The following RB1CC1 variants were observed in gnomAD, a reference collection of about 807,000 sequenced individuals.
The protein encoded by RB1CC1 is RB1 inducible coiled-coil 1.
In RB1CC1, 46 loss-of-function variants were observed where a neutral mutation model predicts 177.5. The ratio of observed to expected loss-of-function variants is 0.26; its 90% CI spans 0.20 to 0.33. The LOEUF is 0.33. Ranked by LOEUF, RB1CC1 falls within the 10% of genes least tolerant of loss-of-function variation. The pLI is 1.00. For synonymous variants in RB1CC1, 666 were observed against 613.6 expected (o/e 1.09, Z -1.26); for missense variants, 1,703 against 1,816.3 (o/e 0.94, Z 1.13).
intron 1 of RB1CC1, among the ~76,000 whole-genome samples, chr8:52,688,489 A>T (rs561934680): frequency 6.6e-6 from 1 of 152,090 alleles, no homozygotes; most frequent in Non-Finnish European, 1.5e-5. Flanking sequence ...GGTGGTGGGG[A>T]AAAACTCCGC....
intron 22 of RB1CC1, among the ~76,000 whole-genome samples, chr8:52,625,359 G>C (rs1590895840): frequency 6.6e-6 from 1 of 152,110 alleles, no homozygotes; most frequent in East Asian, 1.9e-4. Flanking sequence ...GGCAGTACTT[G>C]TGTGAATGAA....
chr8:52,649,350 A>G (rs1850356629), intron 15 of RB1CC1, among the ~76,000 whole-genome samples: 1 of 152,216 alleles, frequency 6.6e-6, no homozygotes, highest in South Asian at 2.1e-4. Context: ...AGGCATCTCT[A>G]AAGGCTGACA....
intron 8 of RB1CC1, among the ~76,000 whole-genome samples, chr8:52,664,704 A>T (rs1851922226): frequency 6.6e-6 from 1 of 152,192 alleles, no homozygotes; most frequent in Non-Finnish European, 1.5e-5. Flanking sequence ...AGATTTAGAA[A>T]GCAAACAAGA....
chr8:52,640,383 C>CAATGGTGAATGAA (rs1849467181), intron 18 of RB1CC1, among the ~76,000 whole-genome samples: 1 of 152,172 alleles, frequency 6.6e-6, no homozygotes, highest in African/African-American at 2.4e-5. Flanking sequence ...TTTGAATGTT[C>CAATGGTGAATGAA]TCACCATAAA....
At chr8:52,638,841 T>C (rs1849348111) in intron 18 of RB1CC1, among the ~76,000 whole-genome samples, 1 of 152,152 alleles carries the variant, frequency 6.6e-6, no homozygotes, top group South Asian at 2.1e-4. Flanking sequence ...GTCCATCCTT[T>C]TACCAAACTG....
At position 52,656,511 on chromosome 8, in the gene RB1CC1, T is replaced by C; in HGVS notation, c.3318A>G (p.Lys1106=). Residue 1106 remains lysine, a synonymous_variant, in exon 15 of 24, where the codon AAA becomes AAG. Coordinates refer to ENST00000025008, the MANE Select transcript of RB1CC1 (RefSeq NM_014781.5). The part of the protein sequence containing the change: ...ETENLRTEIS[K]LNQKIQDNNE... ...TATTATCCTGAATCTTTTGGTTGAG[T>C]TTACTAATTTCTGTTCTCAAATTTT... The C allele has an allele frequency of 6.2e-7, 1 of 1,611,438 alleles. No homozygotes were observed. The highest frequency in any genetic ancestry group is 1.1e-5 in the South Asian group (1 of 90,896).
Position 52,656,421 on chromosome 8 carries a change from A to G in RB1CC1, c.3408T>C (p.Cys1136=). ...CATGTCTACTAATTAACTCGGAAATACACTGATCTTTTTCAATTGTCATTA... is the reference window on the plus strand; with the variant it reads ...CATGTCTACTAATTAACTCGGAAATGCACTGATCTTTTTCAATTGTCATTA... ...RTLMTIEKDQ[C]ISELISRHEE... is the part of the protein sequence containing the mutation. Residue 1136 remains cysteine (C), a synonymous_variant, in exon 15 of 24, where the codon TGT becomes TGC. Coordinates refer to ENST00000025008, the MANE Select transcript of RB1CC1 (RefSeq NM_014781.5). 6.2e-7 allele frequency: 1 copy of G among 1,611,770 alleles called. No homozygotes were observed. Among genetic ancestry groups the G allele is most frequent in the Non-Finnish European group, 8.5e-7 (1 of 1,179,652 alleles).
chr8:52,685,224 G>T (rs1157319713), intron 3 of RB1CC1, among the ~76,000 whole-genome samples, 175 bp downstream of exon 3: 1 of 151,946 alleles, frequency 6.6e-6, no homozygotes, highest in Non-Finnish European at 1.5e-5. Flanking sequence ...GGATGGTCTC[G>T]ATCTTTCTTG....
At chr8:52,624,682 TTCCCAGGC>T (rs1848258299) in intron 23 of RB1CC1, 27 bp downstream of exon 23, 1 of 1,496,478 alleles carries the variant, frequency 6.7e-7, no homozygotes, top group South Asian at 1.1e-5. Context: ...TTCTTTACAG[TTCCCAGGC>T]TTAGTATCAC....
At chr8:52,636,098 T>G in intron 18 of RB1CC1, 29 bp from the exon 19 acceptor site, 1 of 1,588,778 alleles carries the variant, frequency 6.3e-7, no homozygotes. Context: ...GAGTTTCAGT[T>G]TGAAATTCTA....
At chr8:52,677,636 T>C (rs1039241635) in intron 5 of RB1CC1, among the ~76,000 whole-genome samples, 3 of 152,192 alleles carry the variant, frequency 2.0e-5, no homozygotes, top group African/African-American at 4.8e-5. Context: ...TATTTTTAAG[T>C]TGTCCAGGCA....
At chr8:52,666,254 C>T (rs767640104) in intron 8 of RB1CC1, among the ~76,000 whole-genome samples, 4 of 151,826 alleles carry the variant, frequency 2.6e-5, no homozygotes, top group African/African-American at 4.8e-5. Flanking sequence ...GGCTGGGCGC[C>T]GTGGCTCACA....
At chr8:52,682,710 AC>A (rs1199907290) in intron 5 of RB1CC1, among the ~76,000 whole-genome samples, 4 of 152,170 alleles carry the variant, frequency 2.6e-5, no homozygotes, top group African/African-American at 7.2e-5. Context: ...AATCAAAAAA[AC>A]AACTCTAAAA....
At chr8:52,627,630 A>G (rs964809510) in intron 22 of RB1CC1, among the ~76,000 whole-genome samples, 7 of 152,240 alleles carry the variant, frequency 4.6e-5, no homozygotes, top group Non-Finnish European at 8.8e-5. Context: ...AGGTAGGAAC[A>G]TAGGATGATA....
At chr8:52,688,488 G>A (rs1317928283) in intron 1 of RB1CC1, among the ~76,000 whole-genome samples, 1 of 152,116 alleles carries the variant, frequency 6.6e-6, no homozygotes, top group African/African-American at 2.4e-5. Context: ...CGGTGGTGGG[G>A]AAAAACTCCG....
intron 1 of RB1CC1, among the ~76,000 whole-genome samples, chr8:52,702,103 C>A (rs576238442): frequency 6.6e-6 from 1 of 152,106 alleles, no homozygotes; most frequent in African/African-American, 2.4e-5. Flanking sequence ...CCACCTTGCA[C>A]AGCCAAAACT....
In RB1CC1 at chr8:52,661,120, T is replaced by C; in HGVS notation, c.1520A>G (p.Lys507Arg). ...CTCCCTGTAGTGTTTTATGAACATT[T>C]TTCTTCTTACAACCTCAACAACAGC... ...CLAVVEVVRR[K>R]MFIKHYREWA... The change falls in exon 10 of 24, where the codon AAA becomes AGA. Residue 507 changes from lysine (K) to arginine (R), a missense_variant. Around this residue, in one of 6 missense-constraint regions of RB1CC1, gnomAD observed 1,169 missense variants for 1,184.7 expected, o/e 0.99. Transcript: ENST00000025008. 6.2e-7 allele frequency: 1 copy of C among 1,613,382 alleles called. No homozygotes were observed. The highest frequency in any genetic ancestry group is 1.1e-5 in the South Asian group (1 of 90,988).
chr8:52,624,694 G>A (rs1848259249), intron 23 of RB1CC1, 23 bp downstream of exon 23: 2 of 1,537,952 alleles, frequency 1.3e-6, no homozygotes, highest in African/African-American at 1.4e-5. Context: ...CCCAGGCTTA[G>A]TATCACATGA....
At chr8:52,625,587 C>G (rs1301287039) in intron 22 of RB1CC1, among the ~76,000 whole-genome samples, 1 of 152,152 alleles carries the variant, frequency 6.6e-6, no homozygotes, top group Non-Finnish European at 1.5e-5. Context: ...TTGAAAATAT[C>G]TAAGTTGAAA....
Sources: gnomAD v4.1 joint callset for allele counts (sites outside exome capture counted in the v4.1 genomes callset) on GRCh38, gnomAD v4.1.1 for gene constraint, gnomAD v4.1.1 regional missense constraint, MANE v1.5 for transcripts, NCBI Gene and HGNC (gene_info 2026-07-23, HGNC 2026-07-21) for gene names.